The following GALNT12 variants were observed in gnomAD, a reference collection of about 807,000 sequenced individuals.
GALNT12 encodes the protein polypeptide N-acetylgalactosaminyltransferase 12.
A neutral mutation model predicts 55.5 loss-of-function variants in GALNT12; 45 were observed. The observed-to-expected ratio is 0.81, with a 90% confidence interval of 0.64 to 1.04. The LOEUF (loss-of-function observed/expected upper bound fraction) is 1.04, where lower values mean the gene tolerates loss of function less well. GALNT12 is among the 50% of genes least tolerant of loss of function. The pLI, the probability that GALNT12 is intolerant of heterozygous loss-of-function variation, is 0.00. For missense variants in GALNT12, 709 were observed against 754.8 expected (o/e 0.94, Z 0.71); for synonymous variants, 304 against 312.2 (o/e 0.97, Z 0.28).
chr9:98,826,699 G>A, intron 2 of GALNT12, 53 bp from the exon 3 acceptor site: 1 of 1,560,856 alleles, frequency 6.4e-7, no homozygotes, highest in Non-Finnish European at 8.7e-7. Flanking sequence ...TTGGGATGAG[G>A]CGCTCCTCCG....
At chr9:98,836,563 T>G (rs1224393636) in intron 5 of GALNT12, among the ~76,000 whole-genome samples, 1 of 151,650 alleles carries the variant, frequency 6.6e-6, no homozygotes, top group Admixed American at 6.6e-5. Context: ...TCTACCTGTT[T>G]CTAGACGCTC....
At chr9:98,841,784 C>T (rs1836293402) in intron 7 of GALNT12, among the ~76,000 whole-genome samples, 1 of 152,038 alleles carries the variant, frequency 6.6e-6, no homozygotes, top group Non-Finnish European at 1.5e-5. Flanking sequence ...AATTCTCCTG[C>T]CTCAGCCTCC....
At chr9:98,844,340 G>C in intron 8 of GALNT12, 131 bp downstream of exon 8, 1 of 686,098 alleles carries the variant, frequency 1.5e-6, no homozygotes, top group Non-Finnish European at 2.6e-6. Context: ...CAGACTCAGA[G>C]AGACCACTGT....
At chr9:98,817,204 G>A (rs865786257) in intron 1 of GALNT12, among the ~76,000 whole-genome samples, 2 of 152,024 alleles carry the variant, frequency 1.3e-5, no homozygotes, top group Non-Finnish European at 1.5e-5. Context: ...GGGCTCAAGC[G>A]ATCCTCCCAC....
intron 2 of GALNT12, among the ~76,000 whole-genome samples, chr9:98,824,884 T>C (rs1835824289): frequency 6.6e-6 from 1 of 152,082 alleles, no homozygotes; most frequent in Non-Finnish European, 1.5e-5. Flanking sequence ...TTTTTCCGTT[T>C]CCCCCCAGGG....
At chr9:98,829,515 TA>T (rs1006395107) in intron 3 of GALNT12, among the ~76,000 whole-genome samples, 2 of 149,214 alleles carry the variant, frequency 1.3e-5, no homozygotes, top group African/African-American at 2.6e-5. Flanking sequence ...ACAATTAAAT[TA>T]TTTTTTTTTT....
chr9:98,840,254 G>A (rs1434162698), intron 7 of GALNT12, 121 bp downstream of exon 7: 11 of 1,093,220 alleles, frequency 1.0e-5, no homozygotes, highest in East Asian at 5.1e-5. Context: ...ACTCCCACCC[G>A]CCTGCCCACC....
chr9:98,844,228 A>G lies in GALNT12; in HGVS notation c.1458+19A>G. 7.1e-7 allele frequency: 1 copy of G among 1,398,924 alleles called. No individual in the cohort carries two copies. Among genetic ancestry groups the G allele is most frequent in the Non-Finnish European group, 1.0e-6 (1 of 983,450 alleles). The allele number at this position is 1,398,924 out of a possible 1,614,324, so 86.7% of individuals were successfully genotyped here. A position where few individuals can be genotyped will look rare whatever the true frequency, so the allele number is the denominator to read the frequency against. ...GAATCAGGTAGGTATGAGCCTCAAA[A>G]GAGGAGAAAGCTGTGTGTTTTGTTA... On this transcript the variant is annotated intron_variant, in intron 8 of 9. Coordinates refer to ENST00000375011, the MANE Select transcript of GALNT12 (RefSeq NM_024642.5).
intron 3 of GALNT12, 130 bp downstream of exon 3, chr9:98,827,071 G>GGACTGCTCTCCTGCCC: frequency 3.1e-6 from 3 of 956,694 alleles, no homozygotes; most frequent in Non-Finnish European, 4.8e-6. Flanking sequence ...CACTGGGCAG[G>GGACTGCTCTCCTGCCC]AGAGCAGTCC....
In GALNT12 at chr9:98,849,003, A is replaced by G. The variant is rs1331475779; in HGVS notation, c.1657A>G (p.Lys553Glu). Residue 553 changes from lysine (K) to glutamate (E), a missense_variant, in exon 10 of 10, where the codon AAG becomes GAG. Around this residue, in one of 5 missense-constraint regions of GALNT12, gnomAD observed 262 missense variants for 310.7 expected, o/e 0.84. Transcript: ENST00000375011. Reference protein sequence around the residue: ...QSKKCVQAARKESSDSFVPLL... With the variant: ...QSKKCVQAAREESSDSFVPLL... Reference sequence around the variant, plus strand: ...CAAGAAATGTGTCCAGGCTGCGAGGAAGGAGTCGAGTGACAGTTTCGTTCC... The same window carrying G: ...CAAGAAATGTGTCCAGGCTGCGAGGGAGGAGTCGAGTGACAGTTTCGTTCC... 1.2e-6 allele frequency: 2 copies of G among 1,614,190 alleles called. No homozygotes were observed. The highest frequency in any genetic ancestry group is 4.5e-5 in the East Asian group (2 of 44,884).
intron 1 of GALNT12, among the ~76,000 whole-genome samples, chr9:98,820,647 G>C (rs183428534): frequency 4.6e-4 from 70 of 152,236 alleles, no homozygotes; most frequent in African/African-American, 1.7e-3. Context: ...TGGCATTTCT[G>C]CCTCTAGGTC....
At chr9:98,831,699 C>T (rs550053622) in intron 3 of GALNT12, 73 bp from the exon 4 acceptor site, 1 of 1,535,650 alleles carries the variant, frequency 6.5e-7, no homozygotes, top group Non-Finnish European at 9.0e-7. Context: ...AGAATTCACC[C>T]TTGAATTTCC....
At chr9:98,823,574 G>C in intron 2 of GALNT12, 149 bp downstream of exon 2, 1 of 697,666 alleles carries the variant, frequency 1.4e-6, no homozygotes, top group Non-Finnish European at 2.5e-6. Flanking sequence ...AGGGATAGTA[G>C]CCCAGAAACA....
At chr9:98,825,866 T>C (rs1265846689) in intron 2 of GALNT12, among the ~76,000 whole-genome samples, 1 of 151,976 alleles carries the variant, frequency 6.6e-6, no homozygotes, top group Non-Finnish European at 1.5e-5. Flanking sequence ...TCCCAGCTAC[T>C]TGGGAGGCTG....
intron 6 of GALNT12, among the ~76,000 whole-genome samples, chr9:98,838,276 T>C (rs1224818839): frequency 2.0e-5 from 3 of 152,164 alleles, no homozygotes; most frequent in Non-Finnish European, 4.4e-5. Flanking sequence ...TCTCACCATA[T>C]GTCATGGTCA....
intron 1 of GALNT12, among the ~76,000 whole-genome samples, chr9:98,813,699 C>A (rs2118292862): frequency 6.6e-6 from 1 of 152,060 alleles, no homozygotes; most frequent in East Asian, 1.9e-4. Flanking sequence ...GGGGTTTCAC[C>A]ATGTTGGTCA....
intron 1 of GALNT12, among the ~76,000 whole-genome samples, chr9:98,820,086 C>A (rs1330453987): frequency 6.6e-6 from 1 of 152,100 alleles, no homozygotes; most frequent in Non-Finnish European, 1.5e-5. Flanking sequence ...TAGCACTTGT[C>A]TTTTTTTCCC....
At chr9:98,847,316 T>C (rs183395426) in intron 9 of GALNT12, 1 of 152,186 alleles carries the variant, frequency 6.6e-6, no homozygotes, top group South Asian at 2.1e-4. Context: ...GCAATGACAT[T>C]TGCAGGCTGC....
intron 9 of GALNT12, among the ~76,000 whole-genome samples, chr9:98,846,644 G>A (rs1483729384): frequency 5.3e-5 from 8 of 151,866 alleles, no homozygotes; most frequent in African/African-American, 1.9e-4. Context: ...TGGATCATCC[G>A]AAGCCAGGAG....
Sources: allele counts gnomAD v4.1 joint callset (sites outside exome capture counted in the v4.1 genomes callset), GRCh38; gene constraint gnomAD v4.1.1; regional missense constraint gnomAD v4.1.1; transcripts MANE v1.5; gene names NCBI Gene and HGNC (gene_info 2026-07-23, HGNC 2026-07-21).